The following AVIL variants were observed in gnomAD, a reference collection of about 807,000 sequenced individuals.
The protein encoded by AVIL is advillin.
Under a neutral mutation model 109.9 loss-of-function variants are expected in AVIL, and 78 were observed. The observed-to-expected ratio is 0.71, with a 90% confidence interval of 0.59 to 0.86. The LOEUF (loss-of-function observed/expected upper bound fraction) is 0.86. Among genes scored for constraint, AVIL ranks in the 40% least tolerant of loss-of-function variants. The pLI is 0.00. For missense variants in AVIL, 892 were observed against 1,016.5 expected (o/e 0.88, Z 1.67); for synonymous variants, 367 against 379.1 (o/e 0.97, Z 0.37).
intron 11 of AVIL, 165 bp from the exon 12 acceptor site, chr12:57,807,892 T>C (rs1408361246): frequency 2.8e-6 from 3 of 1,057,048 alleles, no homozygotes; most frequent in Middle Eastern, 2.1e-4. Flanking sequence ...TTTGCATGAT[T>C]TGAATCGTGA....
intron 18 of AVIL, among the ~76,000 whole-genome samples, 199 bp downstream of exon 18, chr12:57,800,945 A>T (rs1002022208): frequency 8.5e-5 from 13 of 152,296 alleles, no homozygotes; most frequent in Non-Finnish European, 1.0e-4. Context: ...TCTGTTTGAA[A>T]ATCTGGAAGT....
rs965907389 is a variant in AVIL at position 57,818,713 on chromosome 12, C to A, written c.-104G>T. 2 of 152,242 alleles carry A rather than the reference C, an allele frequency of 1.3e-5. No individual in the cohort carries two copies. The highest frequency in any genetic ancestry group is 2.9e-5 in the Non-Finnish European group (2 of 68,048). The allele number at this position is 152,242 out of a possible 1,614,324, so 9.4% of individuals were successfully genotyped here. A position where few individuals can be genotyped will look rare whatever the true frequency, so the allele number is the denominator to read the frequency against. The stretch of plus-strand genomic sequence containing the variant: ...AAGAACCACTCCAAAGCAGGAGGCT[C>A]CAGGTCCTGCTGCCTTAGCTTAGTA... On this transcript the variant is annotated 5_prime_UTR_variant, in exon 1 of 20. Transcript: ENST00000549994.
intron 1 of AVIL, among the ~76,000 whole-genome samples, chr12:57,817,753 C>T (rs571814584): frequency 2.6e-5 from 4 of 152,282 alleles, no homozygotes; most frequent in African/African-American, 9.6e-5. Context: ...AAGGAGCTCC[C>T]TGGGCCAGGC....
In AVIL at chr12:57,810,334, G is replaced by C. The variant is rs1218442141; in HGVS notation, c.761+15C>G. On this transcript the variant is annotated intron_variant, in intron 7 of 19. Coordinates refer to ENST00000549994, the MANE Select transcript of AVIL (RefSeq NM_006576.4). Reference sequence around the variant, plus strand: ...CAACCCCAGCTTCCAGCTAAAACCAGGTTGAGCTACTCACTGATACAACAT... The same window carrying C: ...CAACCCCAGCTTCCAGCTAAAACCACGTTGAGCTACTCACTGATACAACAT... 2 of 1,612,486 alleles carry C rather than the reference G, an allele frequency of 1.2e-6. No individual in the cohort carries two copies. The highest frequency in any genetic ancestry group is 1.7e-5 in the Admixed American group (1 of 59,936).
intron 16 of AVIL, chr12:57,802,848 A>C: frequency 1.8e-6 from 1 of 550,718 alleles, no homozygotes; most frequent in South Asian, 2.7e-5. Flanking sequence ...CTCCATCCCT[A>C]CTCCACTGCC....
At chr12:57,813,129 A>T in intron 4 of AVIL, 98 bp downstream of exon 4, 1 of 1,401,756 alleles carries the variant, frequency 7.1e-7, no homozygotes, top group Admixed American at 2.1e-5. Context: ...TTTGATTTGC[A>T]TTTCTCTGAT....
At position 57,801,990 on chromosome 12, in the gene AVIL, C is replaced by T. The variant is rs3816896; in HGVS notation, c.2151+170G>A. ...GTGAATTGTCCACCTGGACTTACTG[C>T]TGTGGCAGGTGAAAAAGAGGAGAAA... On this transcript the variant is annotated intron_variant, in intron 17 of 19. Transcript: ENST00000549994. Among the ~76,000 whole-genome samples the T allele has an allele frequency of 0.36, 54,790 of 152,064 alleles. 10,881 individuals carry two copies. The highest frequency in any genetic ancestry group is 0.62 in the Middle Eastern group (182 of 294).
intron 2 of AVIL, chr12:57,815,566 G>C (rs1565839716): frequency 8.1e-7 from 1 of 1,239,672 alleles, no homozygotes; most frequent in South Asian, 1.4e-5. Flanking sequence ...CATCTCTGCA[G>C]TGCCCCCTCA....
chr12:57,813,506 A>C, intron 3 of AVIL, 83 bp from the exon 4 acceptor site: 1 of 1,379,746 alleles, frequency 7.2e-7, no homozygotes, highest in Non-Finnish European at 1.0e-6. Context: ...AGAATGCAGC[A>C]CATGTGCATG....
At position 57,805,569 on chromosome 12, in the gene AVIL, T is replaced by C. The variant is rs1376515165; in HGVS notation, c.1671+791A>G. ...TTTTTTTGAGATGGAGTTTCACTCT[T>C]GTTGCCCAGGCTGGAGTGCCATGGC... On this transcript the variant is annotated intron_variant, in intron 14 of 19. Coordinates refer to ENST00000549994, the MANE Select transcript of AVIL (RefSeq NM_006576.4). 4.0e-5 allele frequency among the ~76,000 whole-genome samples: 6 copies of C among 151,814 alleles called. No individual in the cohort carries two copies. The South Asian group carries it at 1.3e-3, about 32-fold the overall frequency.
chr12:57,802,849 CTCCACTGCCCTTA>C, intron 16 of AVIL: 1 of 558,726 alleles, frequency 1.8e-6, no homozygotes, highest in Non-Finnish European at 3.1e-6. Context: ...TCCATCCCTA[CTCCACTGCCCTTA>C]TGTGGGCCCA....
intron 13 of AVIL, 38 bp from the exon 14 acceptor site, chr12:57,806,577 A>G (rs1955950968): frequency 1.2e-6 from 2 of 1,608,922 alleles, no homozygotes; most frequent in Non-Finnish European, 1.7e-6. Flanking sequence ...TCTAAGGAGC[A>G]CCATGTGAGC....
chr12:57,803,658 C>T lies in AVIL; in HGVS notation c.1683G>A (p.Gly561=). ...HYLWYGKGSS[G]DERAMAKELA... is the part of the protein sequence containing the mutation. ...GCTCCTTAGCCATTGCCCGCTCATC[C>T]CCACTAGACCCCTGAGAGTGGGGCG... Residue 561 remains glycine (G), a synonymous_variant, in exon 15 of 20, where the codon GGG becomes GGA. Coordinates refer to ENST00000549994, the MANE Select transcript of AVIL (RefSeq NM_006576.4). 1 of 1,613,916 alleles carries T rather than the reference C, an allele frequency of 6.2e-7. No individual in the cohort carries two copies. The highest frequency in any genetic ancestry group is 2.2e-5 in the East Asian group (1 of 44,894).
rs1246113426 is a variant in AVIL at position 57,801,401 on chromosome 12, A to G, written c.2152-189T>C. The G allele has an allele frequency of 1.5e-5, 7 of 482,110 alleles. No homozygotes were observed. The South Asian group carries it at 1.6e-4, about 11-fold the overall frequency. The allele number at this position is 482,110 out of a possible 1,614,324, so 29.9% of individuals were successfully genotyped here. On this transcript the variant is annotated intron_variant, in intron 17 of 19. Transcript: ENST00000549994. ...TGAAAGGTGCTTAAACATAACGCAC[A>G]TTCTTTGATGGTAACCCCTCAGTCC...
In AVIL at chr12:57,813,418, C is replaced by T; in HGVS notation, c.147G>A (p.Arg49=). 1.2e-6 allele frequency: 2 copies of T among 1,613,524 alleles called. No individual in the cohort carries two copies. ...EGDCYVILST[R]RVASLLSQDI... is the part of the protein sequence containing the mutation. ...CCTGGGATAGGAGACTGGCCACTCT[C>T]CGGGTCTGGGAGGTAGTCAGAGAGA... The change falls in exon 4 of 20, where the codon CGG becomes CGA. Residue 49 remains arginine (R), a synonymous_variant. Coordinates refer to ENST00000549994, the MANE Select transcript of AVIL (RefSeq NM_006576.4).
chr12:57,815,380 C>T (rs1054609077), intron 2 of AVIL, among the ~76,000 whole-genome samples: 4 of 152,224 alleles, frequency 2.6e-5, no homozygotes, highest in African/African-American at 4.8e-5. Flanking sequence ...AGTGAGGCAT[C>T]ATCGCTGGGT....
intron 14 of AVIL, chr12:57,805,824 T>G (rs1169917644): frequency 7.4e-6 from 1 of 135,282 alleles, no homozygotes; most frequent in Non-Finnish European, 1.6e-5. Context: ...TGTGAGCCAC[T>G]GTGCCTGGCT....
chr12:57,797,999 A>C lies in AVIL; in HGVS notation c.2347-4T>G. On this transcript the variant is annotated splice_region_variant and splice_polypyrimidine_tract_variant and intron_variant, in intron 19 of 19. Coordinates refer to ENST00000549994, the MANE Select transcript of AVIL (RefSeq NM_006576.4). The stretch of plus-strand genomic sequence containing the variant: ...AGTCCTGTTCAGAGAGGTAATTCTA[A>C]GAGAGAAAACAAAGTTTCTAGTTAG... 6.3e-7 allele frequency: 1 copy of C among 1,590,900 alleles called. No homozygotes were observed. Among genetic ancestry groups the C allele is most frequent in the Non-Finnish European group, 8.5e-7 (1 of 1,170,908 alleles).
chr12:57,797,610 T>G lies in AVIL; in HGVS notation c.*272A>C. The G allele has an allele frequency of 1.1e-6, 1 of 929,052 alleles. No individual in the cohort carries two copies. The highest frequency in any genetic ancestry group is 5.1e-5 in the South Asian group (1 of 19,624). The allele number at this position is 929,052 out of a possible 1,614,324, so 57.6% of individuals were successfully genotyped here. ...GTTTTTTGGTTCTCTTTCTTTTGAT[T>G]TCTCCAGATTTATGCAGTTTTAGTG... is the stretch of plus-strand genomic sequence containing the variant. On this transcript the variant is annotated 3_prime_UTR_variant, in exon 20 of 20. Coordinates refer to ENST00000549994, the MANE Select transcript of AVIL (RefSeq NM_006576.4).
Sources: allele counts gnomAD v4.1 joint callset (sites outside exome capture counted in the v4.1 genomes callset), GRCh38; gene constraint gnomAD v4.1.1; transcripts MANE v1.5; gene names NCBI Gene and HGNC (gene_info 2026-07-23, HGNC 2026-07-21).